The following PCBP3 variants were observed in gnomAD, a reference collection of about 807,000 sequenced individuals.
PCBP3 encodes the protein poly(rC) binding protein 3, also known as poly(rC)-binding protein 3.
Under a neutral mutation model 52.7 loss-of-function variants are expected in PCBP3, and 25 were observed. That is an observed-to-expected ratio of 0.47 (90% CI 0.35 to 0.66). PCBP3 has a LOEUF of 0.66. Ranked by LOEUF, PCBP3 falls within the 30% of genes least tolerant of loss-of-function variation. The pLI is 0.01. For missense variants in PCBP3, 391 were observed against 490.3 expected (o/e 0.80, Z 1.91); for synonymous variants, 162 against 183.0 (o/e 0.89, Z 0.93).
chr21:45,881,704 A>G (rs1434415314), intron 5 of PCBP3, among the ~76,000 whole-genome samples: 1 of 152,174 alleles, frequency 6.6e-6, no homozygotes, highest in Non-Finnish European at 1.5e-5. Context: ...CCAGTGACCA[A>G]CAGCTCCCAT....
chr21:45,775,405 C>G (rs980575140), intron 4 of PCBP3, among the ~76,000 whole-genome samples: 4 of 151,550 alleles, frequency 2.6e-5, no homozygotes, highest in African/African-American at 9.7e-5. Flanking sequence ...TTTGGTTCTT[C>G]TCTCTTCTTT....
chr21:45,875,237 C>A (rs2095214124), intron 5 of PCBP3, among the ~76,000 whole-genome samples: 1 of 151,978 alleles, frequency 6.6e-6, no homozygotes, highest in South Asian at 2.1e-4. Context: ...GGCCTGGGGG[C>A]CCCTCCGTGC....
intron 4 of PCBP3, among the ~76,000 whole-genome samples, chr21:45,780,819 A>G (rs1185747110): frequency 6.6e-6 from 1 of 152,206 alleles, no homozygotes; most frequent in Non-Finnish European, 1.5e-5. Flanking sequence ...CCAGGGACCG[A>G]TGCGCCAACA....
At chr21:45,764,855 C>T (rs1460203886) in intron 4 of PCBP3, among the ~76,000 whole-genome samples, 4 of 152,192 alleles carry the variant, frequency 2.6e-5, no homozygotes, top group Non-Finnish European at 4.4e-5. Context: ...GACAGATGTG[C>T]GCTTCCTGGG....
chr21:45,760,486 A>G (rs1369143388), intron 4 of PCBP3: 1 of 152,268 alleles, frequency 6.6e-6, no homozygotes, highest in Non-Finnish European at 1.5e-5. Context: ...CCTGGGCTAA[A>G]CCACAAATGG....
chr21:45,902,750 C>T (rs2096094087), intron 9 of PCBP3, among the ~76,000 whole-genome samples: 1 of 152,242 alleles, frequency 6.6e-6, no homozygotes, highest in Non-Finnish European at 1.5e-5. Flanking sequence ...CTGGGACCTT[C>T]GCTCTGCAGG....
Position 45,745,977 on chromosome 21 carries a change from T to C in PCBP3, c.-161-9440T>C, listed in dbSNP as rs111339829. 3.5e-3 allele frequency among the ~76,000 whole-genome samples: 504 copies of C among 143,172 alleles called. 6 individuals carry two copies. Among genetic ancestry groups the C allele is most frequent in the African/African-American group, 0.012 (460 of 37,354 alleles). 93.9% of individuals were successfully genotyped at this position (143,172 alleles called of 152,430 possible). ...GTGTCAGCATCGCTGTGTCAGTCCA[T>C]TGACGTAGCGCACACGGTGTTGTGT... On this transcript the variant is annotated intron_variant, in intron 3 of 17. Transcript: ENST00000681687.
chr21:45,930,892 C>T (rs2076093116), intron 15 of PCBP3, 47 bp downstream of exon 15: 2 of 1,609,348 alleles, frequency 1.2e-6, no homozygotes, highest in Non-Finnish European at 1.7e-6. Flanking sequence ...GGCAGCAGAG[C>T]AGAGCCCCAG....
At chr21:45,927,627 C>G (rs2075646388) in intron 13 of PCBP3, among the ~76,000 whole-genome samples, 2 of 151,726 alleles carry the variant, frequency 1.3e-5, no homozygotes, top group African/African-American at 4.8e-5. Context: ...TAGTCCAGGC[C>G]TCCCTAGGAC....
chr21:45,936,149 A>G (rs1002897072), intron 16 of PCBP3, among the ~76,000 whole-genome samples: 8 of 152,164 alleles, frequency 5.3e-5, no homozygotes, highest in African/African-American at 7.2e-5. Context: ...TTCCTTTCAT[A>G]CAAGTTGACC....
rs2092454003 is a variant in PCBP3 at position 45,805,221 on chromosome 21, G to C, written c.-125-44740G>C. On this transcript the variant is annotated intron_variant, in intron 4 of 17. Coordinates refer to ENST00000681687, the MANE Select transcript of PCBP3 (RefSeq NM_001384156.1). This position sits in a 1 kb window ranked among gnomAD's most constrained non-coding sequence, Gnocchi z 4.6. Reference sequence around the variant, plus strand: ...CCTGGCCCCCATGGCAGGGTCTAAGGCTGTTCCCCGGAAGCCTACCTTCTA... The same window carrying C: ...CCTGGCCCCCATGGCAGGGTCTAAGCCTGTTCCCCGGAAGCCTACCTTCTA... Among the ~76,000 whole-genome samples the C allele has an allele frequency of 6.6e-6, 1 of 152,210 alleles. No homozygotes were observed. The highest frequency in any genetic ancestry group is 6.5e-5 in the Admixed American group (1 of 15,290).
At chr21:45,850,381 C>T (rs536085454) in intron 5 of PCBP3, among the ~76,000 whole-genome samples, 35 of 152,226 alleles carry the variant, frequency 2.3e-4, no homozygotes, top group African/African-American at 7.5e-4. Context: ...GAGCCAGCCC[C>T]GAGAAGCCAA....
In PCBP3 at chr21:45,899,591, T is replaced by TC; in HGVS notation, c.166-7dup. 2 of 1,609,110 alleles carry TC rather than the reference T, an allele frequency of 1.2e-6. No homozygotes were observed. The highest frequency in any genetic ancestry group is 2.7e-5 in the African/African-American group (2 of 74,946). ...CATCATCTTTCTGTGATTTTTTTTT[T>TC]CTTGCAGGAAGTTGGAAGCATCATC... is the stretch of plus-strand genomic sequence containing the variant. On this transcript the variant is annotated splice_region_variant and splice_polypyrimidine_tract_variant and intron_variant, in intron 6 of 17. Coordinates refer to ENST00000681687, the MANE Select transcript of PCBP3 (RefSeq NM_001384156.1).
intron 2 of PCBP3, among the ~76,000 whole-genome samples, chr21:45,675,211 G>A (rs2081392800): frequency 6.6e-6 from 1 of 152,186 alleles, no homozygotes; most frequent in East Asian, 1.9e-4. Flanking sequence ...GGGGCAGTGG[G>A]GTGGAGGTCA....
At chr21:45,873,771 T>TTTG (rs1442489180) in intron 5 of PCBP3, among the ~76,000 whole-genome samples, 1 of 152,194 alleles carries the variant, frequency 6.6e-6, no homozygotes, top group Admixed American at 6.5e-5. Context: ...ATGTCTGGTT[T>TTTG]TTGTTGTTGT....
chr21:45,928,857 C>A lies in PCBP3; in HGVS notation c.718-1060C>A, dbSNP rs985468946. On this transcript the variant is annotated intron_variant, in intron 13 of 17. Coordinates refer to ENST00000681687, the MANE Select transcript of PCBP3 (RefSeq NM_001384156.1). The surrounding 1 kb of genome is among the most constrained non-coding windows in gnomAD (Gnocchi z 4.1). ...AAATGCTGGGGAGGTGGTGCCCTCC[C>A]CAAATGTGCCACCTCCCCTGCCTGC... Among the ~76,000 whole-genome samples, 1 of 152,120 alleles carries A rather than the reference C, an allele frequency of 6.6e-6. No homozygotes were observed. Among genetic ancestry groups the A allele is most frequent in the Non-Finnish European group, 1.5e-5 (1 of 68,018 alleles).
At chr21:45,669,023 C>T (rs1019360541) in intron 2 of PCBP3, 71 bp downstream of exon 2, 1 of 152,132 alleles carries the variant, frequency 6.6e-6, no homozygotes, top group Non-Finnish European at 1.5e-5. Context: ...TCCATGCATC[C>T]CTGCCTGAGG....
intron 4 of PCBP3, among the ~76,000 whole-genome samples, chr21:45,796,017 G>A (rs1297011051): frequency 6.6e-6 from 1 of 152,166 alleles, no homozygotes; most frequent in Non-Finnish European, 1.5e-5. Context: ...TGTATGTAAT[G>A]AGTCTGAAAA....
rs867637642 is a variant in PCBP3, at chr21:45,917,417, C to T, written c.676-171C>T. On this transcript the variant is annotated intron_variant, in intron 12 of 17. Coordinates refer to ENST00000681687, the MANE Select transcript of PCBP3 (RefSeq NM_001384156.1). The surrounding 1 kb of genome is among the most constrained non-coding windows in gnomAD (Gnocchi z 5.3). ...GGAAGTGGGTGCGGCTCCCCTGGGG[C>T]TCCTGGTGCCCTGGGAGGGTTGGCC... 1.6e-5 allele frequency: 8 copies of T among 506,278 alleles called. No homozygotes were observed. Among genetic ancestry groups the T allele is most frequent in the Non-Finnish European group, 2.5e-5 (7 of 280,252 alleles). 31.4% of individuals were successfully genotyped at this position (506,278 alleles called of 1,614,324 possible).
Sources: gnomAD v4.1 joint callset for allele counts (sites outside exome capture counted in the v4.1 genomes callset) on GRCh38, gnomAD v4.1.1 for gene constraint, Gnocchi (gnomAD v3.1) non-coding constraint, MANE v1.5 for transcripts, NCBI Gene and HGNC (gene_info 2026-07-23, HGNC 2026-07-21) for gene names.